LRRC4C: variants seen among roughly 807,000 people sequenced by gnomAD.
LRRC4C encodes the protein leucine rich repeat containing 4C, also known as leucine-rich repeat-containing protein 4C.
LRRC4C carries 5 observed loss-of-function variants against 33.6 expected under a neutral mutation model. That is an observed-to-expected ratio of 0.15 (90% CI 0.08 to 0.31). The LOEUF (loss-of-function observed/expected upper bound fraction) is 0.31, where lower values mean the gene tolerates loss of function less well. Among genes scored for constraint, LRRC4C ranks in the 10% least tolerant of loss-of-function variants. The probability of loss-of-function intolerance (pLI) is 1.00; values close to 1 mark genes in which losing one functional copy is unlikely to be tolerated. For synonymous variants in LRRC4C, 329 were observed against 302.0 expected, an observed-to-expected ratio of 1.09 and a Z score of -0.93; for missense variants, 560 against 796.7, an observed-to-expected ratio of 0.70 and a Z score of 3.58.
intron 3 of LRRC4C, among the ~76,000 whole-genome samples, chr11:40,322,243 G>A (rs1329872062): frequency 6.6e-6 from 1 of 151,750 alleles, no homozygotes; most frequent in Admixed American, 6.6e-5. Context: ...TTTTAAAAAA[G>A]AAATTCACTT....
intron 5 of LRRC4C, among the ~76,000 whole-genome samples, chr11:40,188,160 C>T (rs927076954): frequency 5.3e-5 from 8 of 152,164 alleles, no homozygotes; most frequent in African/African-American, 1.2e-4. Context: ...AACTACCAGC[C>T]GAAATCAAAT....
At position 41,459,220 on chromosome 11, in the gene LRRC4C, A is replaced by T. The variant is rs115825323; in HGVS notation, c.-496+211T>A. Among the ~76,000 whole-genome samples the T allele has an allele frequency of 8.1e-3, 1,233 of 152,310 alleles. 21 individuals are homozygous for T. Among genetic ancestry groups the T allele is most frequent in the African/African-American group, 0.028 (1,151 of 41,560 alleles). On this transcript the variant is annotated intron_variant, in intron 1 of 6. Coordinates refer to ENST00000528697, the MANE Select transcript of LRRC4C (RefSeq NM_001258419.2). ...TTAGATAAACAAGAGAGGTACAAAAATGGTAAGAGGAATGGGGGGATGGTT... is the reference window on the plus strand; with the variant it reads ...TTAGATAAACAAGAGAGGTACAAAATTGGTAAGAGGAATGGGGGGATGGTT...
intron 3 of LRRC4C, among the ~76,000 whole-genome samples, chr11:40,430,731 T>C (rs1303957389): frequency 6.6e-6 from 1 of 152,042 alleles, no homozygotes; most frequent in Non-Finnish European, 1.5e-5. Flanking sequence ...ATCTAACTAA[T>C]ATGTGATGTT....
At chr11:40,592,615 G>A (rs115975680) in intron 3 of LRRC4C, among the ~76,000 whole-genome samples, 72 of 152,268 alleles carry the variant, frequency 4.7e-4, no homozygotes, top group African/African-American at 1.7e-3. Context: ...ATCTACAGGT[G>A]AGGGTTCAGT....
chr11:40,291,240 C>T (rs879909054), intron 4 of LRRC4C, among the ~76,000 whole-genome samples: 2 of 152,080 alleles, frequency 1.3e-5, no homozygotes, highest in Non-Finnish European at 2.9e-5. Flanking sequence ...GGAAGGTGAT[C>T]CTACAGGCGC....
chr11:41,275,894 C>T (rs534176092), intron 1 of LRRC4C, among the ~76,000 whole-genome samples: 1 of 152,186 alleles, frequency 6.6e-6, no homozygotes, highest in African/African-American at 2.4e-5. Flanking sequence ...TCTATACAAA[C>T]GTATACACAT....
At chr11:41,404,058 G>A (rs1388167677) in intron 1 of LRRC4C, among the ~76,000 whole-genome samples, 1 of 152,070 alleles carries the variant, frequency 6.6e-6, no homozygotes, top group Non-Finnish European at 1.5e-5. Flanking sequence ...AGTAAATTAT[G>A]AGAGGTATCA....
intron 4 of LRRC4C, among the ~76,000 whole-genome samples, chr11:40,309,057 T>C (rs543082971): frequency 1.3e-5 from 2 of 152,350 alleles, no homozygotes; most frequent in South Asian, 4.1e-4. Flanking sequence ...TAATGGTTTG[T>C]TCACACCAGT....
chr11:40,155,358 G>A (rs1297621698), intron 5 of LRRC4C, among the ~76,000 whole-genome samples: 1 of 151,776 alleles, frequency 6.6e-6, no homozygotes, highest in Non-Finnish European at 1.5e-5. Context: ...AAACCAAGAT[G>A]AGAGCAGAAC....
Position 40,512,206 on chromosome 11 carries a change from G to A in LRRC4C, c.-270+135936C>T, listed in dbSNP as rs553842238. On this transcript the variant is annotated intron_variant, in intron 3 of 6. Transcript: ENST00000528697. ...GGTATGTAACAAGCAACCACACTTAGCCACTTAAAAATACAAAAATTAGCC... is the reference window on the plus strand; with the variant it reads ...GGTATGTAACAAGCAACCACACTTAACCACTTAAAAATACAAAAATTAGCC... Among the ~76,000 whole-genome samples, 3 of 151,816 alleles carry A rather than the reference G, an allele frequency of 2.0e-5. No individual in the cohort carries two copies. In the South Asian group the frequency reaches 6.3e-4, roughly 32 times the overall value.
intron 3 of LRRC4C, among the ~76,000 whole-genome samples, chr11:40,401,004 C>A (rs1949737274): frequency 6.6e-6 from 1 of 152,222 alleles, no homozygotes; most frequent in Non-Finnish European, 1.5e-5. Flanking sequence ...AATGTCTGCA[C>A]AGAGTAAATG....
chr11:40,568,157 T>C (rs935063198), intron 3 of LRRC4C, among the ~76,000 whole-genome samples: 11 of 152,208 alleles, frequency 7.2e-5, no homozygotes, highest in African/African-American at 2.7e-4. Flanking sequence ...TATTATGCCT[T>C]CTGTTTTGCT....
Position 40,621,983 on chromosome 11 carries a change from A to T in LRRC4C, c.-270+26159T>A, listed in dbSNP as rs377249213. Reference sequence around the variant, plus strand: ...CTGGGATTTGAATCCAGGCAGTCTCATTCAAGAAACTAAACTCTTAGAGAC... The same window carrying T: ...CTGGGATTTGAATCCAGGCAGTCTCTTTCAAGAAACTAAACTCTTAGAGAC... On this transcript the variant is annotated intron_variant, in intron 3 of 6. Coordinates refer to ENST00000528697, the MANE Select transcript of LRRC4C (RefSeq NM_001258419.2). 2.2e-4 allele frequency among the ~76,000 whole-genome samples: 34 copies of T among 151,956 alleles called. 2 individuals are homozygous for T. The East Asian group carries it at 3.7e-3, about 16-fold the overall frequency.
At chr11:40,136,673 A>G (rs1857003013) in intron 6 of LRRC4C, among the ~76,000 whole-genome samples, 1 of 152,140 alleles carries the variant, frequency 6.6e-6, no homozygotes, top group Non-Finnish European at 1.5e-5. Flanking sequence ...TTCTATTTGT[A>G]ATTAACTTTA....
chr11:40,219,387 A>G (rs948058670), intron 5 of LRRC4C, among the ~76,000 whole-genome samples: 1 of 151,858 alleles, frequency 6.6e-6, no homozygotes, highest in Non-Finnish European at 1.5e-5. Flanking sequence ...CTACCAATCC[A>G]CCCATGTCTA....
intron 1 of LRRC4C, among the ~76,000 whole-genome samples, chr11:41,310,252 A>G (rs879827064): frequency 3.3e-5 from 5 of 152,198 alleles, no homozygotes; most frequent in African/African-American, 4.8e-5. Flanking sequence ...TTCAAATCAC[A>G]TCACATATTA....
intron 3 of LRRC4C, among the ~76,000 whole-genome samples, chr11:40,467,698 G>A (rs1323746899): frequency 6.6e-6 from 1 of 152,132 alleles, no homozygotes; most frequent in Admixed American, 6.6e-5. Context: ...GACACAGCAA[G>A]ACATTTGCTA....
chr11:40,253,420 G>T (rs1866944675), intron 4 of LRRC4C, among the ~76,000 whole-genome samples: 1 of 152,166 alleles, frequency 6.6e-6, no homozygotes, highest in East Asian at 1.9e-4. Context: ...GACAGATCTT[G>T]TTTTGAATGC....
intron 1 of LRRC4C, among the ~76,000 whole-genome samples, chr11:41,173,682 C>G (rs779047293): frequency 6.6e-6 from 1 of 152,080 alleles, no homozygotes; most frequent in Non-Finnish European, 1.5e-5. Context: ...ACACCATAGC[C>G]TACATTCTTT....
Sources: gnomAD v4.1 joint callset for allele counts (sites outside exome capture counted in the v4.1 genomes callset) on GRCh38, gnomAD v4.1.1 for gene constraint, MANE v1.5 for transcripts, NCBI Gene and HGNC (gene_info 2026-07-23, HGNC 2026-07-21) for gene names.